CASD1: variants seen among roughly 807,000 people sequenced by gnomAD.
CASD1 encodes the protein N-acetylneuraminate (7)9-O-acetyltransferase.
CASD1 carries 41 observed loss-of-function variants against 100.0 expected under a neutral mutation model. The observed-to-expected ratio is 0.41, with a 90% confidence interval of 0.32 to 0.53. CASD1 has a LOEUF of 0.53. CASD1 is among the 20% of genes least tolerant of loss of function. CASD1 has a pLI of 0.25. For synonymous variants in CASD1, 321 were observed against 315.6 expected (o/e 1.02, Z -0.18); for missense variants, 774 against 948.7 (o/e 0.82, Z 2.42).
At chr7:94,630,692 C>T in the CASD1 span, among the ~76,000 whole-genome samples, 2 of 151,906 alleles carry the variant, frequency 1.3e-5, no homozygotes, top group African/African-American at 4.8e-5. Context: ...TGCCGTTACT[C>T]TTGTCACTTC....
chr7:94,630,673 A>C, the CASD1 span, among the ~76,000 whole-genome samples: 1 of 151,870 alleles, frequency 6.6e-6, no homozygotes, highest in South Asian at 2.1e-4. Context: ...TTCTCCACTA[A>C]CACATTATTG....
At chr7:94,603,027 C>T in the CASD1 span, among the ~76,000 whole-genome samples, 31 of 152,230 alleles carry the variant, frequency 2.0e-4, no homozygotes, top group African/African-American at 7.2e-4. Flanking sequence ...TATATGGATG[C>T]CCAAGGGGTT....
chr7:94,618,864 C>T, the CASD1 span: 23 of 1,613,834 alleles, frequency 1.4e-5, no homozygotes, highest in East Asian at 3.3e-4. Flanking sequence ...TTTTTCACTG[C>T]GCCAAGAAAG....
chr7:94,617,492 C>T, the CASD1 span: 30 of 152,292 alleles, frequency 2.0e-4, no homozygotes, highest in African/African-American at 6.0e-4. Flanking sequence ...TTGGAGAATG[C>T]CTTCAGGGAA....
chr7:94,595,506 C>A, the CASD1 span, among the ~76,000 whole-genome samples: 1 of 152,038 alleles, frequency 6.6e-6, no homozygotes, highest in Non-Finnish European at 1.5e-5. Flanking sequence ...GAAATGCATG[C>A]CCTTATAGGA....
intron 9 of CASD1, among the ~76,000 whole-genome samples, chr7:94,538,279 A>G (rs1212512098): frequency 6.6e-6 from 1 of 152,170 alleles, no homozygotes; most frequent in Non-Finnish European, 1.5e-5. Flanking sequence ...CTATGCACAC[A>G]AACATATTTT....
chr7:94,567,821 C>CT, the CASD1 span, among the ~76,000 whole-genome samples: 1 of 152,074 alleles, frequency 6.6e-6, no homozygotes, highest in African/African-American at 2.4e-5. Flanking sequence ...CCTCATCTAC[C>CT]TAGTTCCCAT....
chr7:94,537,378 C>T, intron 8 of CASD1, 94 bp from the exon 9 acceptor site: 1 of 1,082,832 alleles, frequency 9.2e-7, no homozygotes, highest in Middle Eastern at 2.2e-4. Context: ...ATTCTGGTTT[C>T]AGTGCTAAAA....
chr7:94,522,694 G>C (rs868674052), intron 3 of CASD1, among the ~76,000 whole-genome samples: 21 of 149,452 alleles, frequency 1.4e-4, no homozygotes, highest in Non-Finnish European at 2.7e-4. Flanking sequence ...TTCTCGCTCT[G>C]TTGCCCAGGC....
chr7:94,570,205 AT>A, the CASD1 span, among the ~76,000 whole-genome samples: 1 of 151,862 alleles, frequency 6.6e-6, no homozygotes, highest in Non-Finnish European at 1.5e-5. Context: ...CTGTCTTATT[AT>A]TTTTTTGTCC....
the CASD1 span, chr7:94,598,475 T>A: frequency 3.0e-6 from 1 of 331,318 alleles, no homozygotes; most frequent in South Asian, 3.5e-5. Context: ...GTTCTTTTTT[T>A]TATAATTAAC....
In CASD1 at chr7:94,535,379, T is replaced by C; in HGVS notation, c.699T>C (p.Asn233=). The C allele has an allele frequency of 6.2e-7, 1 of 1,613,552 alleles. No homozygotes were observed. The highest frequency in any genetic ancestry group is 8.5e-7 in the Non-Finnish European group (1 of 1,179,642). Residue 233 remains asparagine, a synonymous_variant, in exon 8 of 18, where the codon AAT becomes AAC. Coordinates refer to ENST00000297273, the MANE Select transcript of CASD1 (RefSeq NM_022900.5). ...CTAATGAGAAGATAGATGCTTACAA[T>C]GAAGCTGCAGTCAGTATTTTGAATA... ...MITNEKIDAY[N]EAAVSILNSS...
At position 94,548,563 on chromosome 7, in the gene CASD1, T is replaced by A. The variant is rs542626737; in HGVS notation, c.1714-970T>A. The stretch of plus-strand genomic sequence containing the variant: ...ATTTTGATATAACCTATTTTTAATA[T>A]GCTATGTGCATTTTAAATTCTGTGG... On this transcript the variant is annotated intron_variant, in intron 13 of 17. Transcript: ENST00000297273. Among the ~76,000 whole-genome samples the A allele has an allele frequency of 3.2e-4, 48 of 151,984 alleles. No homozygotes were observed. The South Asian group carries it at 9.8e-3, about 31-fold the overall frequency.
chr7:94,550,803 G>C (rs1795909083), intron 14 of CASD1, among the ~76,000 whole-genome samples: 1 of 152,106 alleles, frequency 6.6e-6, no homozygotes, highest in Non-Finnish European at 1.5e-5. Context: ...ATTTTGAGTG[G>C]AAGGAAATGT....
chr7:94,565,742 C>T, the CASD1 span, among the ~76,000 whole-genome samples: 2 of 152,180 alleles, frequency 1.3e-5, no homozygotes, highest in Non-Finnish European at 2.9e-5. Flanking sequence ...GAGCCAGTCT[C>T]CTAACCTCAT....
the CASD1 span, among the ~76,000 whole-genome samples, chr7:94,582,773 AG>A: frequency 6.6e-6 from 1 of 152,200 alleles, no homozygotes; most frequent in African/African-American, 2.4e-5. Context: ...TCACTATTAC[AG>A]GTTGACATTT....
At chr7:94,575,947 G>A in the CASD1 span, among the ~76,000 whole-genome samples, 1 of 152,188 alleles carries the variant, frequency 6.6e-6, no homozygotes, top group South Asian at 2.1e-4. Context: ...TGATCATGAT[G>A]TGTCTAAGTG....
At chr7:94,513,076 C>T (rs1417439686) in intron 1 of CASD1, among the ~76,000 whole-genome samples, 1 of 152,126 alleles carries the variant, frequency 6.6e-6, no homozygotes, top group Admixed American at 6.5e-5. Context: ...GTGGCTCACG[C>T]CTATAATCCC....
Position 94,537,843 on chromosome 7 carries a change from A to G in CASD1, c.1215A>G (p.Pro405=), listed in dbSNP as rs751616055. 1 of 1,580,708 alleles carries G rather than the reference A, an allele frequency of 6.3e-7. No individual in the cohort carries two copies. The highest frequency in any genetic ancestry group is 8.7e-7 in the Non-Finnish European group (1 of 1,150,422). ...ATACACATTCATCTTTCTTTATTCC[A>G]ATTATCTACATTTTGGTTTTGGGAG... The part of the protein sequence containing the change: ...KFYTHSSFFI[P]IIYILVLGVF... Residue 405 remains proline, a synonymous_variant, in exon 9 of 18, where the codon CCA becomes CCG. Transcript: ENST00000297273.
Sources: allele counts gnomAD v4.1 joint callset (sites outside exome capture counted in the v4.1 genomes callset), GRCh38; gene constraint gnomAD v4.1.1; transcripts MANE v1.5; gene names NCBI Gene and HGNC (gene_info 2026-07-23, HGNC 2026-07-21).